ARHGAP32: variants seen among roughly 807,000 people sequenced by gnomAD.
The protein encoded by ARHGAP32 is rho GTPase-activating protein 32.
A neutral mutation model predicts 186.5 loss-of-function variants in ARHGAP32; 51 were observed. The observed-to-expected ratio is 0.27, with a 90% CI of 0.22 to 0.35. ARHGAP32 has a LOEUF of 0.35. ARHGAP32 is among the 10% of genes least tolerant of loss of function. The probability of loss-of-function intolerance (pLI) is 1.00; values close to 1 mark genes in which losing one functional copy is unlikely to be tolerated. For synonymous variants in ARHGAP32, 950 were observed against 964.3 expected, an observed-to-expected ratio of 0.99 and a Z score of 0.27; for missense variants, 2,186 against 2,623.5, an observed-to-expected ratio of 0.83 and a Z score of 3.64.
chr11:128,996,800 G>C (rs189484173), intron 12 of ARHGAP32, among the ~76,000 whole-genome samples: 5 of 142,846 alleles, frequency 3.5e-5, no homozygotes, highest in African/African-American at 1.3e-4. Context: ...TTTTTTTTTG[G>C]AGACAAGGTC....
intron 5 of ARHGAP32, among the ~76,000 whole-genome samples, chr11:129,118,554 T>A (rs1196662004): frequency 6.6e-6 from 1 of 151,896 alleles, no homozygotes; most frequent in Non-Finnish European, 1.5e-5. Context: ...ATATAAATGA[T>A]AAAAATTGAT....
Position 129,176,451 on chromosome 11 carries a change from C to T in ARHGAP32, c.117-12024G>A, listed in dbSNP as rs1176058479. 3.8e-5 allele frequency among the ~76,000 whole-genome samples: 3 copies of T among 79,586 alleles called. 1 individual carries two copies. The highest frequency in any genetic ancestry group is 9.3e-5 in the Non-Finnish European group (3 of 32,338). 52.2% of individuals were successfully genotyped at this position (79,586 alleles called of 152,430 possible). On this transcript the variant is annotated intron_variant, in intron 1 of 22. Coordinates refer to ENST00000682385, the MANE Select transcript of ARHGAP32 (RefSeq NM_001378024.1). ...ACCAAGCGGACCTAATAGACATCTACAGAACTCTCCACCCCAAATCAACAG... is the reference window on the plus strand; with the variant it reads ...ACCAAGCGGACCTAATAGACATCTATAGAACTCTCCACCCCAAATCAACAG...
At chr11:129,137,349 T>C (rs1942959352) in intron 2 of ARHGAP32, among the ~76,000 whole-genome samples, 1 of 151,896 alleles carries the variant, frequency 6.6e-6, no homozygotes, top group South Asian at 2.1e-4. Context: ...TTTGGGGTCA[T>C]GTAAGTGTTA....
chr11:129,151,398 C>G (rs1041684328), intron 2 of ARHGAP32, among the ~76,000 whole-genome samples: 3 of 152,100 alleles, frequency 2.0e-5, no homozygotes, highest in Non-Finnish European at 4.4e-5. Flanking sequence ...ACTGGACAGT[C>G]TACCCAACAA....
At chr11:128,984,907 G>A (rs1170819629) in intron 15 of ARHGAP32, among the ~76,000 whole-genome samples, 2 of 152,122 alleles carry the variant, frequency 1.3e-5, no homozygotes, top group Admixed American at 6.5e-5. Flanking sequence ...ATGACCTCAA[G>A]TACCTTATGT....
chr11:129,120,718 T>G (rs907766143), intron 5 of ARHGAP32, among the ~76,000 whole-genome samples: 7 of 152,042 alleles, frequency 4.6e-5, no homozygotes, highest in African/African-American at 1.4e-4. Context: ...ATTATAAACT[T>G]TCAAGATCTG....
chr11:129,017,201 A>G (rs1043818141), intron 11 of ARHGAP32, among the ~76,000 whole-genome samples: 1 of 152,286 alleles, frequency 6.6e-6, no homozygotes, highest in Non-Finnish European at 1.5e-5. Flanking sequence ...CATGCCTGTA[A>G]TCCCAGCACT....
intron 11 of ARHGAP32, among the ~76,000 whole-genome samples, chr11:129,010,731 G>C (rs1938039558): frequency 6.6e-6 from 1 of 152,110 alleles, no homozygotes; most frequent in Admixed American, 6.6e-5. Context: ...TGAATTTCAT[G>C]GATATGTAAC....
chr11:129,113,813 A>G (rs927201518), intron 5 of ARHGAP32, among the ~76,000 whole-genome samples: 1 of 152,008 alleles, frequency 6.6e-6, no homozygotes, highest in African/African-American at 2.4e-5. Context: ...TGAATTCGTC[A>G]TCTTTCCTCA....
intron 12 of ARHGAP32, among the ~76,000 whole-genome samples, chr11:128,996,581 G>A (rs1173797648): frequency 1.3e-5 from 2 of 152,086 alleles, no homozygotes; most frequent in East Asian, 3.8e-4. Flanking sequence ...TTTATATTCA[G>A]TATGATGAAG....
intron 1 of ARHGAP32, among the ~76,000 whole-genome samples, chr11:129,233,621 TAAAA>T (rs540593811): frequency 7.3e-6 from 1 of 137,570 alleles, no homozygotes; most frequent in African/African-American, 2.7e-5. Context: ...TCTATAATAT[TAAAA>T]AAAAAAAAAC....
At chr11:129,033,962 G>A (rs996278435) in intron 11 of ARHGAP32, among the ~76,000 whole-genome samples, 6 of 152,092 alleles carry the variant, frequency 3.9e-5, no homozygotes, top group Non-Finnish European at 8.8e-5. Flanking sequence ...CTATACCAAC[G>A]TCGTAATTAG....
At chr11:129,034,823 A>G (rs1178096303) in intron 11 of ARHGAP32, among the ~76,000 whole-genome samples, 2 of 145,406 alleles carry the variant, frequency 1.4e-5, no homozygotes, top group Non-Finnish European at 3.0e-5. Context: ...GTCTCAAAAA[A>G]AAGAAAAAGA....
At chr11:129,012,437 T>A (rs917858147) in intron 11 of ARHGAP32, among the ~76,000 whole-genome samples, 1 of 152,170 alleles carries the variant, frequency 6.6e-6, no homozygotes, top group African/African-American at 2.4e-5. Flanking sequence ...GATATATTGG[T>A]TGCAATGAAG....
At chr11:129,050,774 C>G (rs1300337876) in intron 10 of ARHGAP32, among the ~76,000 whole-genome samples, 1 of 152,172 alleles carries the variant, frequency 6.6e-6, no homozygotes, top group East Asian at 1.9e-4. Flanking sequence ...GGTATTTCTC[C>G]TAATGCTATC....
At chr11:129,269,485 G>C (rs909139217) in intron 1 of ARHGAP32, among the ~76,000 whole-genome samples, 1 of 152,102 alleles carries the variant, frequency 6.6e-6, no homozygotes, top group Non-Finnish European at 1.5e-5. Context: ...CCAACACTTT[G>C]AGAGGCTGAG....
chr11:129,052,820 T>A (rs1460818310), intron 10 of ARHGAP32, among the ~76,000 whole-genome samples: 1 of 152,244 alleles, frequency 6.6e-6, no homozygotes, highest in East Asian at 1.9e-4. Context: ...CTCCTTTATA[T>A]CTGAAAATTT....
intron 2 of ARHGAP32, among the ~76,000 whole-genome samples, chr11:129,158,592 A>C (rs768005942): frequency 8.5e-5 from 13 of 152,106 alleles, no homozygotes; most frequent in Non-Finnish European, 2.9e-5. Flanking sequence ...AGAGACTTAG[A>C]CTCCCACACA....
intron 1 of ARHGAP32, among the ~76,000 whole-genome samples, chr11:129,265,506 C>T (rs1223712774): frequency 2.6e-5 from 4 of 152,140 alleles, no homozygotes; most frequent in Non-Finnish European, 4.4e-5. Context: ...CAAAGTAGTA[C>T]TGAGGAAAAC....
Sources: gnomAD v4.1 joint callset for allele counts (sites outside exome capture counted in the v4.1 genomes callset) on GRCh38, gnomAD v4.1.1 for gene constraint, MANE v1.5 for transcripts, NCBI Gene and HGNC (gene_info 2026-07-23, HGNC 2026-07-21) for gene names.